RBM27: variants seen among roughly 807,000 people sequenced by gnomAD.
RBM27 encodes RNA binding motif protein 27, also known as RNA-binding protein 27.
RBM27 carries 22 observed loss-of-function variants against 135.3 expected under a neutral mutation model. The ratio of observed to expected loss-of-function variants is 0.16; its 90% CI spans 0.12 to 0.23. RBM27 has a LOEUF of 0.23. Ranked by LOEUF, RBM27 falls within the 10% of genes least tolerant of loss-of-function variation. RBM27 has a pLI of 1.00. For synonymous variants in RBM27, 481 were observed against 442.4 expected (o/e 1.09, Z -1.10); for missense variants, 1,009 against 1,281.0 (o/e 0.79, Z 3.24).
At chr5:146,284,021 G>GA (rs1234179403) in intron 19 of RBM27, among the ~76,000 whole-genome samples, 2 of 152,074 alleles carry the variant, frequency 1.3e-5, no homozygotes, top group East Asian at 1.9e-4. Flanking sequence ...TTGCTGGGGA[G>GA]AAAAAAATGT....
In RBM27 at chr5:146,203,684, A is replaced by C; in HGVS notation, c.-82A>C. ...GTGGGCTGGGGCACCGGGAGCTGTG[A>C]AGGGAACGTGAGGGGGCGGCGTAGT... On this transcript the variant is annotated 5_prime_UTR_variant, in exon 1 of 21. The change abolishes the stop of an existing upstream ORF in the 5' untranslated region. Transcript: ENST00000265271. 2 of 1,316,724 alleles carry C rather than the reference A, an allele frequency of 1.5e-6. No homozygotes were observed. The highest frequency in any genetic ancestry group is 2.1e-6 in the Non-Finnish European group (2 of 937,808). The allele number at this position is 1,316,724 out of a possible 1,614,324, so 81.6% of individuals were successfully genotyped here.
intron 7 of RBM27, among the ~76,000 whole-genome samples, chr5:146,235,033 AAAATAAAT>A (rs59434635): frequency 0.2 from 28,120 of 139,406 alleles, 3,364 homozygotes; most frequent in Admixed American, 0.34. Context: ...CCCTGTCTCA[AAAATAAAT>A]AAATAAATAA....
At chr5:146,284,772 C>T in intron 20 of RBM27, 40 bp downstream of exon 20, 1 of 1,194,206 alleles carries the variant, frequency 8.4e-7, no homozygotes, top group Non-Finnish European at 1.2e-6. Context: ...AATTAGATCA[C>T]TTCTCAATTA....
intron 19 of RBM27, among the ~76,000 whole-genome samples, chr5:146,281,871 T>C (rs1759366031): frequency 6.6e-6 from 1 of 152,226 alleles, no homozygotes; most frequent in Non-Finnish European, 1.5e-5. Flanking sequence ...ACACAGTGTA[T>C]ATTCTTTTGT....
At position 146,241,024 on chromosome 5, in the gene RBM27, C is replaced by G. The variant is rs137972551; in HGVS notation, c.1279+3592C>G. Among the ~76,000 whole-genome samples, 86 of 152,262 alleles carry G rather than the reference C, an allele frequency of 5.6e-4. 1 individual carries two copies. The East Asian group carries it at 0.011, about 20-fold the overall frequency. On this transcript the variant is annotated intron_variant, in intron 8 of 20. Transcript: ENST00000265271. ...CTCTTTTATCTATTTCCCCCCGAAT[C>G]AGCTCTTAATATTGTTTGCCTTTTG...
At chr5:146,275,264 T>A (rs571938154) in intron 19 of RBM27, among the ~76,000 whole-genome samples, 3 of 151,748 alleles carry the variant, frequency 2.0e-5, no homozygotes, top group Non-Finnish European at 4.4e-5. Flanking sequence ...TAATTTTAAT[T>A]TTTTTTTATT....
chr5:146,254,422 A>C (rs1027089078), intron 9 of RBM27, among the ~76,000 whole-genome samples: 1 of 149,344 alleles, frequency 6.7e-6, no homozygotes, highest in Non-Finnish European at 1.5e-5. Context: ...TATATTCTGT[A>C]ATAGGAGCAT....
At chr5:146,280,067 T>TC (rs1763437412) in intron 19 of RBM27, among the ~76,000 whole-genome samples, 2 of 151,938 alleles carry the variant, frequency 1.3e-5, no homozygotes, top group Non-Finnish European at 2.9e-5. Flanking sequence ...ATTTTTTTTT[T>TC]TTTTGGAGAC....
chr5:146,247,438 C>G (rs1443667365), intron 8 of RBM27, among the ~76,000 whole-genome samples: 1 of 152,084 alleles, frequency 6.6e-6, no homozygotes, highest in African/African-American at 2.4e-5. Flanking sequence ...CCCTTTTGTA[C>G]CTGGTTTATT....
chr5:146,219,639 C>G (rs868602719), intron 2 of RBM27, among the ~76,000 whole-genome samples: 2 of 152,258 alleles, frequency 1.3e-5, no homozygotes, highest in South Asian at 2.1e-4. Flanking sequence ...TTGTTCCACT[C>G]TAGCCACAAC....
chr5:146,261,826 A>T lies in RBM27; in HGVS notation c.2190+20A>T, dbSNP rs765296897. 65 of 1,613,306 alleles carry T rather than the reference A, an allele frequency of 4.0e-5. 4 individuals carry two copies. The Middle Eastern group carries it at 0.01, about 249-fold the overall frequency. ...CAGAAGGTAATCTGGTTCACTGGGA[A>T]TTAAAGGTCTTTTAGTTACACCCTC... On this transcript the variant is annotated intron_variant, in intron 13 of 20. Coordinates refer to ENST00000265271, the MANE Select transcript of RBM27 (RefSeq NM_018989.2).
intron 19 of RBM27, among the ~76,000 whole-genome samples, chr5:146,279,151 T>A (rs566401125): frequency 2.7e-4 from 41 of 152,238 alleles, no homozygotes; most frequent in Non-Finnish European, 5.0e-4. Flanking sequence ...TAGATTTTTT[T>A]AAAAAGTACT....
chr5:146,269,339 A>C, intron 16 of RBM27, 58 bp downstream of exon 16: 1 of 1,491,288 alleles, frequency 6.7e-7, no homozygotes, highest in Non-Finnish European at 9.1e-7. Flanking sequence ...TGATTTTAAA[A>C]GTATTATTCA....
At chr5:146,213,663 G>T (rs1174559638) in intron 1 of RBM27, among the ~76,000 whole-genome samples, 2 of 152,190 alleles carry the variant, frequency 1.3e-5, no homozygotes, top group Admixed American at 1.3e-4. Context: ...GGGGCCAAAG[G>T]TGTAGGACCT....
intron 2 of RBM27, among the ~76,000 whole-genome samples, chr5:146,220,405 G>A (rs1244120307): frequency 6.6e-6 from 1 of 150,902 alleles, no homozygotes; most frequent in African/African-American, 2.4e-5. Context: ...AACCCAGGAG[G>A]CAGAGGTTGC....
chr5:146,207,348 G>A (rs1392306586), intron 1 of RBM27, among the ~76,000 whole-genome samples: 1 of 151,916 alleles, frequency 6.6e-6, no homozygotes, highest in Non-Finnish European at 1.5e-5. Context: ...CGAGTAGCTG[G>A]GATTACAGGC....
chr5:146,273,165 A>AT (rs1758942443), intron 19 of RBM27, among the ~76,000 whole-genome samples: 1 of 152,224 alleles, frequency 6.6e-6, no homozygotes, highest in South Asian at 2.1e-4. Context: ...ATTTCTACAA[A>AT]TTTGACTCAT....
chr5:146,244,067 T>TA (rs1757517957), intron 8 of RBM27, among the ~76,000 whole-genome samples: 1 of 152,194 alleles, frequency 6.6e-6, no homozygotes, highest in African/African-American at 2.4e-5. Context: ...ACAAAGGAAC[T>TA]AATTCTGTGA....
chr5:146,260,774 G>T lies in RBM27; in HGVS notation c.1769G>T (p.Gly590Val). The change falls in exon 12 of 21, where the codon GGG becomes GTG. Residue 590 changes from glycine to valine, a missense_variant. Gly to Val is a moderately radical substitution (Grantham distance 109). Transcript: ENST00000265271. Reference protein sequence around the residue: ...KQGNNNQNKPGFLRKNQYTNT... With the variant: ...KQGNNNQNKPVFLRKNQYTNT... ...GGAAATAACAATCAAAATAAACCAGGGTTCTTACGAAAGAATCAGTATACA... is the reference window on the plus strand; with the variant it reads ...GGAAATAACAATCAAAATAAACCAGTGTTCTTACGAAAGAATCAGTATACA... 6.2e-7 allele frequency: 1 copy of T among 1,608,752 alleles called. No homozygotes were observed. Among genetic ancestry groups the T allele is most frequent in the East Asian group, 2.2e-5 (1 of 44,684 alleles).
Sources: allele counts gnomAD v4.1 joint callset (sites outside exome capture counted in the v4.1 genomes callset), GRCh38; gene constraint gnomAD v4.1.1; transcripts MANE v1.5; gene names NCBI Gene and HGNC (gene_info 2026-07-23, HGNC 2026-07-21).